Variants in CELF4 observed in about 807,000 individuals in gnomAD.
CELF4 encodes CUGBP Elav-like family member 4, also known as CUG-BP- and ETR-3-like factor 4.
A neutral mutation model predicts 59.9 loss-of-function variants in CELF4; 18 were observed. That is an observed-to-expected ratio of 0.30 (90% CI 0.21 to 0.45). The LOEUF is 0.45. Among genes scored for constraint, CELF4 ranks in the 20% least tolerant of loss-of-function variants. The probability of loss-of-function intolerance (pLI) is 1.00; values close to 1 mark genes in which losing one functional copy is unlikely to be tolerated. For missense variants in CELF4, 456 were observed against 689.0 expected (o/e 0.66, Z 3.79); for synonymous variants, 261 against 267.1 (o/e 0.98, Z 0.22).
intron 2 of CELF4, among the ~76,000 whole-genome samples, chr18:37,412,591 C>T (rs1941946): frequency 0.3 from 45,121 of 148,936 alleles, 6,895 homozygotes; most frequent in Admixed American, 0.33. Context: ...GTTGAGTGGA[C>T]GGGTACGTGT....
intron 2 of CELF4, among the ~76,000 whole-genome samples, chr18:37,408,911 T>C (rs2099411474): frequency 6.6e-6 from 1 of 152,204 alleles, no homozygotes; most frequent in African/African-American, 2.4e-5. Context: ...ACAGATGCCA[T>C]GTCCTAGTCC....
intron 2 of CELF4, among the ~76,000 whole-genome samples, chr18:37,481,080 G>A (rs959269905): frequency 2.0e-5 from 3 of 152,164 alleles, no homozygotes; most frequent in African/African-American, 7.2e-5. Context: ...TGAGTCAGGA[G>A]GCGTGATGGC....
At chr18:37,468,232 G>C (rs2099813453) in intron 2 of CELF4, among the ~76,000 whole-genome samples, 1 of 152,220 alleles carries the variant, frequency 6.6e-6, no homozygotes, top group South Asian at 2.1e-4. Flanking sequence ...TGCTTGGCCT[G>C]ATCCTGAAGC....
chr18:37,281,014 G>A (rs975665585), intron 3 of CELF4, among the ~76,000 whole-genome samples: 1 of 152,232 alleles, frequency 6.6e-6, no homozygotes, highest in Non-Finnish European at 1.5e-5. Flanking sequence ...CCCTCCATGA[G>A]GGAGACAAAA....
chr18:37,463,191 T>C (rs1004089100), intron 2 of CELF4, among the ~76,000 whole-genome samples: 15 of 152,194 alleles, frequency 9.9e-5, no homozygotes, highest in Non-Finnish European at 1.8e-4. Flanking sequence ...TTCAAGATGA[T>C]GACTGCAGAG....
chr18:37,488,050 C>G (rs1479791035), intron 1 of CELF4, among the ~76,000 whole-genome samples: 1 of 151,926 alleles, frequency 6.6e-6, no homozygotes, highest in Non-Finnish European at 1.5e-5. Flanking sequence ...CCCCCAGGTG[C>G]ACTCTGTCTT....
In CELF4 at chr18:37,406,814, T is replaced by C. The variant is rs76200224; in HGVS notation, c.369+78711A>G. 3.2e-3 allele frequency among the ~76,000 whole-genome samples: 491 copies of C among 152,090 alleles called. 3 individuals carry two copies. Among genetic ancestry groups the C allele is most frequent in the African/African-American group, 0.011 (471 of 41,482 alleles). On this transcript the variant is annotated intron_variant, in intron 2 of 12. Transcript: ENST00000420428. ...AAGTTGGGTAGGGCAGGTAGAGGAA[T>C]TGGACCTTTGGAAGAAAGCCAGGAA... is the stretch of plus-strand genomic sequence containing the variant.
intron 2 of CELF4, among the ~76,000 whole-genome samples, chr18:37,426,623 C>T (rs1018648085): frequency 2.6e-4 from 39 of 152,302 alleles, no homozygotes; most frequent in African/African-American, 8.4e-4. Context: ...CGCTTCTGCA[C>T]CAGCCTCCTT....
At chr18:37,345,490 C>T (rs1010290752) in intron 2 of CELF4, among the ~76,000 whole-genome samples, 2 of 152,092 alleles carry the variant, frequency 1.3e-5, no homozygotes, top group East Asian at 3.9e-4. Context: ...GGGATGGCTG[C>T]ATGGCCTTAG....
chr18:37,414,824 T>C (rs1376672899), intron 2 of CELF4, among the ~76,000 whole-genome samples: 1 of 151,904 alleles, frequency 6.6e-6, no homozygotes, highest in Admixed American at 6.6e-5. Flanking sequence ...CCAGCATTCA[T>C]CCACTCATCC....
chr18:37,527,290 C>T (rs2099964994), intron 1 of CELF4, among the ~76,000 whole-genome samples: 1 of 151,798 alleles, frequency 6.6e-6, no homozygotes, highest in Non-Finnish European at 1.5e-5. Context: ...TTGGATCCAG[C>T]ACTAGAGAAG....
chr18:37,516,991 C>G (rs2099951376), intron 1 of CELF4, among the ~76,000 whole-genome samples: 1 of 152,246 alleles, frequency 6.6e-6, no homozygotes, highest in African/African-American at 2.4e-5. Context: ...GGCTGCGGGA[C>G]CGTGCCTTCA....
intron 1 of CELF4, among the ~76,000 whole-genome samples, chr18:37,503,820 GC>G (rs2099934463): frequency 6.6e-6 from 1 of 152,166 alleles, no homozygotes; most frequent in Non-Finnish European, 1.5e-5. Context: ...TGAATGTCAG[GC>G]AGTCTCCTTC....
rs540108842 is a variant in CELF4, at chr18:37,414,450, C to T, written c.369+71075G>A. On this transcript the variant is annotated intron_variant, in intron 2 of 12. Coordinates refer to ENST00000420428, the MANE Select transcript of CELF4 (RefSeq NM_020180.4). ...TCCACCTATCCAACTATCTACTCACCCATTCTTCTATCTATCCATCTACCC... is the reference window on the plus strand; with the variant it reads ...TCCACCTATCCAACTATCTACTCACTCATTCTTCTATCTATCCATCTACCC... 4.6e-5 allele frequency among the ~76,000 whole-genome samples: 7 copies of T among 151,906 alleles called. No homozygotes were observed. The South Asian group carries it at 1.3e-3, about 27-fold the overall frequency.
intron 2 of CELF4, among the ~76,000 whole-genome samples, chr18:37,363,624 A>T (rs1288113792): frequency 6.6e-6 from 1 of 152,138 alleles, no homozygotes; most frequent in African/African-American, 2.4e-5. Context: ...GAATGGTAAG[A>T]TTTTGGTGTC....
At chr18:37,457,882 A>G (rs191725945) in intron 2 of CELF4, among the ~76,000 whole-genome samples, 22 of 152,262 alleles carry the variant, frequency 1.4e-4, no homozygotes, top group Admixed American at 1.4e-3. Flanking sequence ...CCGATGCTCC[A>G]AGGATCCAGC....
At chr18:37,340,150 C>T (rs1162010146) in intron 2 of CELF4, among the ~76,000 whole-genome samples, 2 of 152,230 alleles carry the variant, frequency 1.3e-5, no homozygotes, top group African/African-American at 2.4e-5. Context: ...TGTCCGCACA[C>T]ATTTTCCTAC....
chr18:37,490,478 G>A (rs899914081), intron 1 of CELF4, among the ~76,000 whole-genome samples: 3 of 152,184 alleles, frequency 2.0e-5, no homozygotes, highest in African/African-American at 7.2e-5. Flanking sequence ...GGCCTGTATT[G>A]AGGAGACAAA....
chr18:37,387,950 A>G (rs1189879308), intron 2 of CELF4, among the ~76,000 whole-genome samples: 3 of 152,014 alleles, frequency 2.0e-5, no homozygotes, highest in African/African-American at 7.3e-5. Flanking sequence ...CCTAGTATTC[A>G]TCCAGACCCT....
Sources: allele counts gnomAD v4.1 joint callset (sites outside exome capture counted in the v4.1 genomes callset), GRCh38; gene constraint gnomAD v4.1.1; transcripts MANE v1.5; gene names NCBI Gene and HGNC (gene_info 2026-07-23, HGNC 2026-07-21).